The following PCDH15 variants were observed in gnomAD, a reference collection of about 807,000 sequenced individuals.
PCDH15 encodes protocadherin-15.
A neutral mutation model predicts 178.5 loss-of-function variants in PCDH15; 129 were observed. The ratio of observed to expected loss-of-function variants is 0.72; its 90% CI spans 0.63 to 0.84. The LOEUF (loss-of-function observed/expected upper bound fraction) is 0.84. Among genes scored for constraint, PCDH15 ranks in the 40% least tolerant of loss-of-function variants. The pLI is 0.00. For synonymous variants in PCDH15, 800 were observed against 732.0 expected (o/e 1.09, Z -1.50); for missense variants, 2,230 against 2,099.9 (o/e 1.06, Z -1.21).
At chr10:55,164,809 A>G (rs909551036) in intron 2 of PCDH15, among the ~76,000 whole-genome samples, 2 of 152,134 alleles carry the variant, frequency 1.3e-5, no homozygotes, top group African/African-American at 4.8e-5. Context: ...ATTATTAGTC[A>G]TCATTTGTAC....
At position 54,857,622 on chromosome 10, in the gene PCDH15, CT is replaced by C. The variant is rs527831721; in HGVS notation, c.-29+39827del. ...CGCCATGCCTGGCTAATTTTTTTTT[CT>C]TTTTTTTTTTTTAGAGATAGGGTCT... On this transcript the variant is annotated intron_variant, in intron 3 of 5. Coordinates refer to the PCDH15 transcript ENST00000458638. Among the ~76,000 whole-genome samples, 348 of 142,002 alleles carry C rather than the reference CT, an allele frequency of 2.5e-3. 1 individual carries two copies. The highest frequency in any genetic ancestry group is 5.2e-3 in the South Asian group (23 of 4,436). 93.2% of individuals were successfully genotyped at this position (142,002 alleles called of 152,430 possible). A position where few individuals can be genotyped will look rare whatever the true frequency, so the allele number is the denominator to read the frequency against.
chr10:53,824,300 T>C (rs2076525146), intron 32 of PCDH15, among the ~76,000 whole-genome samples: 1 of 152,140 alleles, frequency 6.6e-6, no homozygotes, highest in South Asian at 2.1e-4. Context: ...CCCAGGATTG[T>C]TGGCTGATTG....
chr10:53,815,769 T>C (rs2076039281), intron 35 of PCDH15, among the ~76,000 whole-genome samples: 1 of 151,954 alleles, frequency 6.6e-6, no homozygotes, highest in Non-Finnish European at 1.5e-5. Context: ...CTTTTTCACA[T>C]TGCAGAAGAA....
rs149453933 is a variant in PCDH15, at chr10:55,388,180, G to A, written c.-155-221529C>T. 9.5e-3 allele frequency among the ~76,000 whole-genome samples: 1,441 copies of A among 151,960 alleles called. 13 individuals carry two copies. The highest frequency in any genetic ancestry group is 0.014 in the Non-Finnish European group (981 of 67,954). ...TTTTTCAGATGCTCTTGGAAACACC[G>A]CTTCACAAATATCAGTCTCTCCCGC... On this transcript the variant is annotated intron_variant, in intron 2 of 5. Transcript: ENST00000613346.
At chr10:54,892,675 G>T (rs1194587734) in intron 3 of PCDH15, among the ~76,000 whole-genome samples, 1 of 148,958 alleles carries the variant, frequency 6.7e-6, no homozygotes, top group Non-Finnish European at 1.5e-5. Context: ...TTCCATCACT[G>T]AATTAGAGAG....
At chr10:54,501,044 T>C (rs372522790) in intron 3 of PCDH15, among the ~76,000 whole-genome samples, 6 of 151,684 alleles carry the variant, frequency 4.0e-5, no homozygotes, top group Non-Finnish European at 7.4e-5. Context: ...ACGATGAGAA[T>C]ACATGGACAC....
intron 8 of PCDH15, among the ~76,000 whole-genome samples, chr10:54,287,723 T>A (rs1423531143): frequency 1.3e-5 from 2 of 152,210 alleles, no homozygotes; most frequent in Non-Finnish European, 2.9e-5. Context: ...CTGACAAGAT[T>A]AATATACTAA....
intron 18 of PCDH15, among the ~76,000 whole-genome samples, chr10:54,057,686 C>T (rs112620164): frequency 4.6e-5 from 7 of 152,314 alleles, no homozygotes; most frequent in African/African-American, 1.7e-4. Context: ...TGGTGATTAG[C>T]ATTTGGCTCC....
intron 2 of PCDH15, among the ~76,000 whole-genome samples, chr10:55,134,438 T>A (rs1304591883): frequency 1.3e-5 from 2 of 152,194 alleles, no homozygotes; most frequent in East Asian, 3.8e-4. Flanking sequence ...CATTATCTTT[T>A]CAAAGGAAAA....
intron 18 of PCDH15, among the ~76,000 whole-genome samples, chr10:54,024,970 A>T (rs905597106): frequency 6.6e-5 from 10 of 152,164 alleles, no homozygotes; most frequent in African/African-American, 2.4e-4. Context: ...ACCCTTAAAA[A>T]TTTCAGTCAC....
At chr10:54,853,362 C>T (rs1220031434) in intron 3 of PCDH15, among the ~76,000 whole-genome samples, 1 of 121,442 alleles carries the variant, frequency 8.2e-6, no homozygotes, top group Admixed American at 9.8e-5. Context: ...TATATACACA[C>T]ACACATATAT....
intron 2 of PCDH15, among the ~76,000 whole-genome samples, chr10:55,071,225 C>G (rs1841737498): frequency 6.6e-6 from 1 of 152,130 alleles, no homozygotes; most frequent in Non-Finnish European, 1.5e-5. Flanking sequence ...ATCATAATTA[C>G]AGGATCAAGT....
intron 26 of PCDH15, among the ~76,000 whole-genome samples, chr10:53,896,650 G>A (rs552945798): frequency 6.6e-6 from 1 of 152,154 alleles, no homozygotes; most frequent in African/African-American, 2.4e-5. Context: ...AGTGGTGGGT[G>A]ACTGAGTGAA....
chr10:55,402,157 AT>A (rs138244752), intron 2 of PCDH15, among the ~76,000 whole-genome samples: 4,017 of 152,082 alleles, frequency 0.026, 78 homozygotes, highest in East Asian at 0.069. Flanking sequence ...AAATAAGCCC[AT>A]TTTGTTAGTC....
intron 14 of PCDH15, among the ~76,000 whole-genome samples, chr10:54,142,302 T>A (rs113454463): frequency 0.012 from 1,765 of 152,314 alleles, 24 homozygotes; most frequent in Middle Eastern, 0.031. Context: ...GGTCTTTGAA[T>A]CCTCAGTCTG....
intron 2 of PCDH15, among the ~76,000 whole-genome samples, chr10:55,607,849 G>T (rs537653622): frequency 1.3e-5 from 2 of 151,012 alleles, no homozygotes. Flanking sequence ...GTATACATAT[G>T]TAACTAACCT....
At chr10:55,516,749 T>C (rs1841021799) in intron 2 of PCDH15, among the ~76,000 whole-genome samples, 2 of 152,154 alleles carry the variant, frequency 1.3e-5, no homozygotes, top group South Asian at 4.1e-4. Context: ...TAATACTTGA[T>C]ATTTAGTGCT....
chr10:55,550,334 G>C (rs1017848185), intron 2 of PCDH15, among the ~76,000 whole-genome samples: 1 of 152,042 alleles, frequency 6.6e-6, no homozygotes, highest in Admixed American at 6.6e-5. Flanking sequence ...TAAAAAGCTA[G>C]GATTCTTTTC....
intron 8 of PCDH15, among the ~76,000 whole-genome samples, chr10:54,315,850 T>C (rs1018143221): frequency 6.6e-6 from 1 of 152,166 alleles, no homozygotes; most frequent in East Asian, 1.9e-4. Context: ...TGCAGCCTTA[T>C]AAAAATTATG....
Sources: allele counts gnomAD v4.1 joint callset (sites outside exome capture counted in the v4.1 genomes callset), GRCh38; gene constraint gnomAD v4.1.1; transcripts MANE v1.5; gene names NCBI Gene and HGNC (gene_info 2026-07-23, HGNC 2026-07-21).